MYO18A: variants seen among roughly 807,000 people sequenced by gnomAD.
The protein encoded by MYO18A is myosin XVIIIA.
In MYO18A, 78 loss-of-function variants were observed where a neutral mutation model predicts 235.8. That is an observed-to-expected ratio of 0.33 (90% confidence interval 0.28 to 0.40). MYO18A has a LOEUF of 0.40. MYO18A is among the 10% of genes least tolerant of loss of function. The pLI is 1.00. For synonymous variants in MYO18A, 977 were observed against 1,077.8 expected, an observed-to-expected ratio of 0.91 and a Z score of 1.83; for missense variants, 2,215 against 2,699.3, an observed-to-expected ratio of 0.82 and a Z score of 3.98.
intron 2 of MYO18A, among the ~76,000 whole-genome samples, chr17:29,135,637 G>A (rs1266434087): frequency 6.6e-6 from 1 of 152,178 alleles, no homozygotes; most frequent in Non-Finnish European, 1.5e-5. Flanking sequence ...CAGGCTGTGA[G>A]GACACCGGGC....
At chr17:29,147,889 C>CAA (rs11389237) in intron 2 of MYO18A, among the ~76,000 whole-genome samples, 3,764 of 87,006 alleles carry the variant, frequency 0.043, 175 homozygotes, top group African/African-American at 0.11. Context: ...GCCTGGGTGA[C>CAA]AAAAAAAAAA....
At chr17:29,110,335 G>A in intron 18 of MYO18A, 101 bp downstream of exon 18, 1 of 1,372,382 alleles carries the variant, frequency 7.3e-7, no homozygotes, top group Non-Finnish European at 9.7e-7. Context: ...GACGCTGAGT[G>A]GGCACCAGAT....
intron 2 of MYO18A, among the ~76,000 whole-genome samples, chr17:29,139,428 C>T (rs939839063): frequency 2.0e-5 from 3 of 152,170 alleles, no homozygotes; most frequent in African/African-American, 7.2e-5. Flanking sequence ...GACCTCTCCC[C>T]CACCCCCGGG....
chr17:29,096,508 G>A (rs1451147969), intron 28 of MYO18A, among the ~76,000 whole-genome samples: 1 of 152,152 alleles, frequency 6.6e-6, no homozygotes, highest in Non-Finnish European at 1.5e-5. Flanking sequence ...GCCTGGCACG[G>A]GATGACAGGC....
Position 29,122,153 on chromosome 17 carries a change from C to T in MYO18A, c.1087+13G>A. 6.2e-7 allele frequency: 1 copy of T among 1,610,494 alleles called. No individual in the cohort carries two copies. Among genetic ancestry groups the T allele is most frequent in the Non-Finnish European group, 8.5e-7 (1 of 1,178,274 alleles). On this transcript the variant is annotated intron_variant, in intron 3 of 41. Coordinates refer to ENST00000527372, the MANE Select transcript of MYO18A (RefSeq NM_078471.4). Reference sequence around the variant, plus strand: ...GAGTCCTGACATGTGCCCCCAGACCCTCTGAGACTCACCCAGTGAGAAGCC... The same window carrying T: ...GAGTCCTGACATGTGCCCCCAGACCTTCTGAGACTCACCCAGTGAGAAGCC...
At chr17:29,102,588 A>G (rs1183998528) in intron 21 of MYO18A, among the ~76,000 whole-genome samples, 1 of 152,206 alleles carries the variant, frequency 6.6e-6, no homozygotes, top group Non-Finnish European at 1.5e-5. Context: ...CAAGGAGAGA[A>G]ACAGAAAAAC....
intron 2 of MYO18A, among the ~76,000 whole-genome samples, chr17:29,127,310 G>A (rs1043918211): frequency 6.6e-6 from 1 of 152,174 alleles, no homozygotes; most frequent in African/African-American, 2.4e-5. Context: ...TGCTCATTAT[G>A]TATACTGTAT....
intron 37 of MYO18A, among the ~76,000 whole-genome samples, chr17:29,089,653 C>T (rs1220388052): frequency 2.0e-5 from 3 of 152,108 alleles, no homozygotes; most frequent in Non-Finnish European, 4.4e-5. Context: ...GCCAGAGAAC[C>T]GGTTGAGGGG....
chr17:29,159,884 C>G (rs963641697), intron 2 of MYO18A, among the ~76,000 whole-genome samples: 1 of 152,214 alleles, frequency 6.6e-6, no homozygotes, highest in Non-Finnish European at 1.5e-5. Context: ...GCCAAGCCTG[C>G]AGGCCCGAGA....
Position 29,111,641 on chromosome 17 carries a change from G to GC in MYO18A, c.2741-59dup. The GC allele has an allele frequency of 6.2e-7, 1 of 1,611,168 alleles. No homozygotes were observed. The highest frequency in any genetic ancestry group is 8.5e-7 in the Non-Finnish European group (1 of 1,178,032). On this transcript the variant is annotated intron_variant, in intron 16 of 41. Transcript: ENST00000527372. This position sits in a 1 kb window ranked among gnomAD's most constrained non-coding sequence, Gnocchi z 5.1. ...AGGGTACAGGCACAAAGTGACCCCC[G>GC]CCCCCTCCCAGGGAGTGCCACCTGG...
Position 29,121,459 on chromosome 17 carries a change from G to T in MYO18A, c.1371+88C>A. 2.2e-6 allele frequency: 3 copies of T among 1,357,304 alleles called. No individual in the cohort carries two copies. The highest frequency in any genetic ancestry group is 3.0e-6 in the Non-Finnish European group (3 of 1,002,732). 84.1% of individuals were successfully genotyped at this position (1,357,304 alleles called of 1,614,324 possible). ...AGGTCAACTGTGAGAGTGGACAGGAGCCCAGTGGGGTGCCACAGGGGAAGG... is the reference window on the plus strand; with the variant it reads ...AGGTCAACTGTGAGAGTGGACAGGATCCCAGTGGGGTGCCACAGGGGAAGG... On this transcript the variant is annotated intron_variant, in intron 5 of 41. Coordinates refer to ENST00000527372, the MANE Select transcript of MYO18A (RefSeq NM_078471.4). The surrounding 1 kb of genome is among the most constrained non-coding windows in gnomAD (Gnocchi z 4.2).
rs911150379 is a variant in MYO18A, at chr17:29,118,801, T to C, written c.1830-361A>G. 9.2e-5 allele frequency among the ~76,000 whole-genome samples: 14 copies of C among 152,198 alleles called. No homozygotes were observed. The highest frequency in any genetic ancestry group is 2.9e-4 in the African/African-American group (12 of 41,432). On this transcript the variant is annotated intron_variant, in intron 8 of 41. Coordinates refer to ENST00000527372, the MANE Select transcript of MYO18A (RefSeq NM_078471.4). The surrounding 1 kb of genome is among the most constrained non-coding windows in gnomAD (Gnocchi z 4.2). ...GCCTGGGGATGCTGGCTCAGCCTCA[T>C]CATTTATCTCTTTTTAGTGAACACA...
chr17:29,168,286 G>T (rs144195909), intron 1 of MYO18A, among the ~76,000 whole-genome samples: 79 of 152,170 alleles, frequency 5.2e-4, no homozygotes, highest in African/African-American at 1.6e-3. Flanking sequence ...TAGCCTGAAA[G>T]AAAATCCCAG....
In MYO18A at chr17:29,121,331, A is replaced by C; in HGVS notation, c.1372-120T>G. The C allele has an allele frequency of 8.3e-7, 1 of 1,198,754 alleles. No homozygotes were observed. The highest frequency in any genetic ancestry group is 1.5e-5 in the South Asian group (1 of 68,362). The allele number at this position is 1,198,754 out of a possible 1,614,324, so 74.3% of individuals were successfully genotyped here. A position where few individuals can be genotyped will look rare whatever the true frequency, so the allele number is the denominator to read the frequency against. ...CCCTCCTGTAGTGCCCAGGGATTCC[A>C]AGGCCAAGGCCATGCATGGAAATGA... On this transcript the variant is annotated intron_variant, in intron 5 of 41. Coordinates refer to ENST00000527372, the MANE Select transcript of MYO18A (RefSeq NM_078471.4). This position sits in a 1 kb window ranked among gnomAD's most constrained non-coding sequence, Gnocchi z 4.2.
At position 29,096,771 on chromosome 17, in the gene MYO18A, T is replaced by G; in HGVS notation, c.4375A>C (p.Lys1459Gln). 6.2e-7 allele frequency: 1 copy of G among 1,603,744 alleles called. No homozygotes were observed. The highest frequency in any genetic ancestry group is 1.1e-5 in the South Asian group (1 of 88,994). Residue 1459 changes from lysine to glutamine, a missense_variant, in exon 28 of 42, where the codon AAG becomes CAG. Coordinates refer to ENST00000527372, the MANE Select transcript of MYO18A (RefSeq NM_078471.4). ...QQVRNHELEK[K>Q]QRRFDSELSQ... The stretch of plus-strand genomic sequence containing the variant: ...AGGGGGCCCACCCACCTCCTCTGCT[T>G]CTTCTCCAGTTCGTGGTTGCGGACC...
intron 2 of MYO18A, among the ~76,000 whole-genome samples, chr17:29,123,917 G>A (rs569878263): frequency 3.3e-5 from 5 of 152,106 alleles, no homozygotes; most frequent in East Asian, 1.9e-4. Flanking sequence ...GCATGGTGGC[G>A]GGCACCTGTA....
At chr17:29,129,977 C>G in intron 2 of MYO18A, among the ~76,000 whole-genome samples, 1 of 152,190 alleles carries the variant, frequency 6.6e-6, no homozygotes, top group African/African-American at 2.4e-5. Flanking sequence ...TTCTGGCTTT[C>G]CTCCCATCCC....
chr17:29,147,167 G>A (rs1017001979), intron 2 of MYO18A, among the ~76,000 whole-genome samples: 1 of 152,198 alleles, frequency 6.6e-6, no homozygotes, highest in Non-Finnish European at 1.5e-5. Flanking sequence ...GGAAAACAAT[G>A]GGAGGCACAA....
At chr17:29,079,604 G>A (rs1231495961) in intron 41 of MYO18A, 3 of 668,462 alleles carry the variant, frequency 4.5e-6, no homozygotes, top group South Asian at 6.7e-5. Context: ...GAGGCTCTCC[G>A]AGGCCAGGCA....
Sources: allele counts gnomAD v4.1 joint callset (sites outside exome capture counted in the v4.1 genomes callset), GRCh38; gene constraint gnomAD v4.1.1; non-coding constraint Gnocchi (gnomAD v3.1); transcripts MANE v1.5; gene names NCBI Gene and HGNC (gene_info 2026-07-23, HGNC 2026-07-21).